SEMA6D: variants seen among roughly 807,000 people sequenced by gnomAD.
The protein encoded by SEMA6D is semaphorin-6D.
Under a neutral mutation model 106.6 loss-of-function variants are expected in SEMA6D, and 35 were observed. The observed-to-expected ratio is 0.33, with a 90% CI of 0.25 to 0.44. SEMA6D has a LOEUF of 0.44. Among genes scored for constraint, SEMA6D ranks in the 20% least tolerant of loss-of-function variants. The probability of loss-of-function intolerance (pLI) is 1.00; values close to 1 mark genes in which losing one functional copy is unlikely to be tolerated. For synonymous variants in SEMA6D, 499 were observed against 487.7 expected (o/e 1.02, Z -0.31); for missense variants, 1,185 against 1,345.9 (o/e 0.88, Z 1.87).
chr15:47,245,984 T>C (rs2033172948), intron 1 of SEMA6D, among the ~76,000 whole-genome samples: 1 of 152,178 alleles, frequency 6.6e-6, no homozygotes, highest in African/African-American at 2.4e-5. Flanking sequence ...CTGAAGCTTC[T>C]TTCAGGGGTC....
At chr15:47,364,824 C>G (rs189749052) in intron 1 of SEMA6D, among the ~76,000 whole-genome samples, 3 of 151,850 alleles carry the variant, frequency 2.0e-5, no homozygotes, top group Admixed American at 6.6e-5. Flanking sequence ...TCAGAACACT[C>G]TTGCTGTGGT....
At chr15:47,751,451 C>T (rs947969058) in intron 1 of SEMA6D, among the ~76,000 whole-genome samples, 2 of 152,180 alleles carry the variant, frequency 1.3e-5, no homozygotes, top group African/African-American at 4.8e-5. Context: ...ATTCCTGTGA[C>T]ACCAGGTGCC....
intron 1 of SEMA6D, among the ~76,000 whole-genome samples, chr15:47,727,572 G>T (rs1025622667): frequency 5.3e-5 from 8 of 152,206 alleles, no homozygotes; most frequent in African/African-American, 1.9e-4. Context: ...GGCACGAAGA[G>T]AATGATTATG....
At chr15:47,194,530 A>G (rs1439671678) in intron 1 of SEMA6D, among the ~76,000 whole-genome samples, 1 of 152,160 alleles carries the variant, frequency 6.6e-6, no homozygotes, top group Non-Finnish European at 1.5e-5. Flanking sequence ...GAAGTATCAG[A>G]TCAGCATTTC....
chr15:47,327,297 TG>T (rs1285508154), intron 1 of SEMA6D, among the ~76,000 whole-genome samples: 1 of 152,240 alleles, frequency 6.6e-6, no homozygotes, highest in Non-Finnish European at 1.5e-5. Flanking sequence ...AACCAGTCAG[TG>T]GCTTAGTGCC....
At position 47,574,604 on chromosome 15, in the gene SEMA6D, A is replaced by G. The variant is rs573235670; in HGVS notation, c.-86-26261A>G. On this transcript the variant is annotated intron_variant, in intron 3 of 19. Transcript: ENST00000558014. ...AATCCCATTCATGACAAAACAAGGC[A>G]TTTCTAAAGAACAGTTATCTTTTGA... is the stretch of plus-strand genomic sequence containing the variant. Among the ~76,000 whole-genome samples, 12 of 152,354 alleles carry G rather than the reference A, an allele frequency of 7.9e-5. No homozygotes were observed. The South Asian group carries it at 2.5e-3, about 32-fold the overall frequency.
In SEMA6D at chr15:47,314,597, CAA is replaced by C. The variant is rs764929520; in HGVS notation, c.-238-97776_-238-97775del. ...TGGGCGACAGAGCGAGACTCCATCT[CAA>C]AAAAAAAAAAAAAAAAAAAGAATTC... On this transcript the variant is annotated intron_variant, in intron 1 of 19. Transcript: ENST00000558014. 9.9e-4 allele frequency among the ~76,000 whole-genome samples: 24 copies of C among 24,302 alleles called. 2 individuals carry two copies. Among genetic ancestry groups the C allele is most frequent in the African/African-American group, 1.1e-3 (12 of 10,870 alleles). The allele number at this position is 24,302 out of a possible 152,430, so 15.9% of individuals were successfully genotyped here. A position where few individuals can be genotyped will look rare whatever the true frequency, so the allele number is the denominator to read the frequency against.
intron 1 of SEMA6D, among the ~76,000 whole-genome samples, chr15:47,251,592 T>C (rs984821860): frequency 1.3e-5 from 2 of 152,198 alleles, no homozygotes; most frequent in Non-Finnish European, 2.9e-5. Context: ...TTGTTATTTA[T>C]TTTTATTTTC....
At chr15:47,206,128 A>G (rs1895043607) in intron 1 of SEMA6D, among the ~76,000 whole-genome samples, 1 of 152,222 alleles carries the variant, frequency 6.6e-6, no homozygotes, top group Non-Finnish European at 1.5e-5. Flanking sequence ...TGATATTATT[A>G]ACCTCAAGCC....
intron 3 of SEMA6D, among the ~76,000 whole-genome samples, chr15:47,582,597 G>C (rs751896620): frequency 1.3e-5 from 2 of 152,128 alleles, no homozygotes; most frequent in Non-Finnish European, 2.9e-5. Context: ...ACTGCCCACA[G>C]CCCTGAGCTC....
chr15:47,451,059 A>G (rs1231443130), intron 2 of SEMA6D, among the ~76,000 whole-genome samples: 1 of 152,118 alleles, frequency 6.6e-6, no homozygotes, highest in Non-Finnish European at 1.5e-5. Flanking sequence ...CAAAAAATCA[A>G]CAACCCTGCT....
intron 3 of SEMA6D, among the ~76,000 whole-genome samples, chr15:47,488,958 T>C (rs1202506711): frequency 6.6e-6 from 1 of 152,174 alleles, no homozygotes; most frequent in Non-Finnish European, 1.5e-5. Flanking sequence ...GGTTGAACTG[T>C]GGGTCCCAAG....
At chr15:47,722,190 A>T (rs764703371) in intron 1 of SEMA6D, among the ~76,000 whole-genome samples, 3 of 152,174 alleles carry the variant, frequency 2.0e-5, no homozygotes, top group Non-Finnish European at 2.9e-5. Flanking sequence ...AAGATTCTTG[A>T]GGCCTGTAAG....
intron 3 of SEMA6D, among the ~76,000 whole-genome samples, chr15:47,584,984 A>G (rs1472255982): frequency 6.6e-6 from 1 of 152,206 alleles, no homozygotes; most frequent in Non-Finnish European, 1.5e-5. Context: ...ATAAGGCCCC[A>G]CAGGCATCGG....
chr15:47,508,503 C>T (rs2044124447), intron 3 of SEMA6D, among the ~76,000 whole-genome samples: 1 of 152,140 alleles, frequency 6.6e-6, no homozygotes, highest in Admixed American at 6.5e-5. Context: ...TAATTCACTA[C>T]TAGAATTATT....
intron 2 of SEMA6D, among the ~76,000 whole-genome samples, chr15:47,432,270 G>A (rs995721355): frequency 1.3e-5 from 2 of 152,164 alleles, no homozygotes; most frequent in Admixed American, 1.3e-4. Context: ...ATAGAGATAA[G>A]AAGAGAGAGT....
intron 1 of SEMA6D, among the ~76,000 whole-genome samples, chr15:47,347,382 G>C (rs1438340340): frequency 6.6e-6 from 1 of 152,170 alleles, no homozygotes; most frequent in Non-Finnish European, 1.5e-5. Flanking sequence ...AGGCTCTTCT[G>C]AAAGAACATA....
At chr15:47,248,880 C>A (rs2033350233) in intron 1 of SEMA6D, among the ~76,000 whole-genome samples, 1 of 152,140 alleles carries the variant, frequency 6.6e-6, no homozygotes, top group African/African-American at 2.4e-5. Context: ...CAAAGTTGAG[C>A]AGCTTTATCA....
chr15:47,342,851 C>T (rs543196229), intron 1 of SEMA6D, among the ~76,000 whole-genome samples: 1 of 152,272 alleles, frequency 6.6e-6, no homozygotes, highest in East Asian at 1.9e-4. Context: ...GCTGGGATTA[C>T]AGGCACATGC....
Sources: gnomAD v4.1 joint callset for allele counts (sites outside exome capture counted in the v4.1 genomes callset) on GRCh38, gnomAD v4.1.1 for gene constraint, MANE v1.5 for transcripts, NCBI Gene and HGNC (gene_info 2026-07-23, HGNC 2026-07-21) for gene names.